The following PDE11A variants were observed in gnomAD, a reference collection of about 807,000 sequenced individuals.
PDE11A encodes the protein phosphodiesterase 11A.
In PDE11A, 100 loss-of-function variants were observed where a neutral mutation model predicts 100.5. The ratio of observed to expected loss-of-function variants is 1.00; its 90% confidence interval spans 0.85 to 1.18. PDE11A has a LOEUF of 1.18. Ranked by LOEUF, PDE11A falls within the 50% of genes most tolerant of loss-of-function variation. The pLI is 0.00. For missense variants in PDE11A, 1,141 were observed against 1,152.6 expected (o/e 0.99, Z 0.15); for synonymous variants, 381 against 420.8 (o/e 0.91, Z 1.16).
Position 177,625,187 on chromosome 2 carries a change from A to G in PDE11A, c.*4220T>C, listed in dbSNP as rs1215461382. On this transcript the variant is annotated 3_prime_UTR_variant, in exon 20 of 20. Transcript: ENST00000286063. The stretch of plus-strand genomic sequence containing the variant: ...GTGCTTACATCTACCCCATATATGT[A>G]AGTTTTATTATGTCTTTATTAAGAA... The G allele has an allele frequency of 1.3e-5, 2 of 152,650 alleles. No homozygotes were observed. The highest frequency in any genetic ancestry group is 2.9e-5 in the Non-Finnish European group (2 of 68,036). The allele number at this position is 152,650 out of a possible 1,614,324, so 9.5% of individuals were successfully genotyped here. A position where few individuals can be genotyped will look rare whatever the true frequency, so the allele number is the denominator to read the frequency against.
At chr2:177,779,899 A>T (rs1014927211) in intron 9 of PDE11A, among the ~76,000 whole-genome samples, 20 of 152,238 alleles carry the variant, frequency 1.3e-4, no homozygotes, top group African/African-American at 4.6e-4. Context: ...TTTTAGCCAG[A>T]TCCATTGTTG....
intron 18 of PDE11A, among the ~76,000 whole-genome samples, chr2:177,666,223 C>T (rs918425902): frequency 2.0e-5 from 3 of 152,152 alleles, no homozygotes; most frequent in African/African-American, 7.2e-5. Flanking sequence ...TCAAGGTTTA[C>T]CCATGTAGCA....
At chr2:178,106,957 C>CAA (rs575714643) in intron 1 of PDE11A, among the ~76,000 whole-genome samples, 212 of 60,642 alleles carry the variant, frequency 3.5e-3, no homozygotes, top group Middle Eastern at 8.9e-3. Context: ...AAGACTCTCT[C>CAA]AAAAAAAAAA....
chr2:177,693,907 C>G (rs2081075324), intron 15 of PDE11A, among the ~76,000 whole-genome samples: 1 of 152,182 alleles, frequency 6.6e-6, no homozygotes, highest in South Asian at 2.1e-4. Flanking sequence ...TAAATAAAAA[C>G]ATCGGGGCGA....
chr2:177,839,405 C>G (rs976528490), intron 6 of PDE11A, among the ~76,000 whole-genome samples: 2 of 152,308 alleles, frequency 1.3e-5, no homozygotes, highest in East Asian at 3.9e-4. Context: ...TGTGATCATT[C>G]TAAAATATAA....
At chr2:177,966,898 C>G (rs1367449847) in intron 2 of PDE11A, among the ~76,000 whole-genome samples, 2 of 152,040 alleles carry the variant, frequency 1.3e-5, no homozygotes, top group African/African-American at 4.8e-5. Context: ...TCCCTCTTCT[C>G]AGTTTTTTGG....
chr2:177,732,670 T>C (rs921304743), intron 10 of PDE11A, among the ~76,000 whole-genome samples: 2 of 152,190 alleles, frequency 1.3e-5, no homozygotes, highest in African/African-American at 4.8e-5. Flanking sequence ...CATTATGAAG[T>C]GTTAATGGAA....
chr2:177,851,909 C>T (rs2083717737), intron 5 of PDE11A, among the ~76,000 whole-genome samples: 1 of 152,070 alleles, frequency 6.6e-6, no homozygotes, highest in African/African-American at 2.4e-5. Flanking sequence ...CCACCCTCCA[C>T]CCTCCAGTAG....
chr2:177,918,406 T>G (rs1394122321), intron 2 of PDE11A, among the ~76,000 whole-genome samples: 3 of 152,192 alleles, frequency 2.0e-5, no homozygotes, highest in Non-Finnish European at 4.4e-5. Context: ...AGGGCTCAAT[T>G]ACATACAAAG....
intron 2 of PDE11A, among the ~76,000 whole-genome samples, chr2:178,085,599 T>C (rs150178406): frequency 7.1e-4 from 108 of 151,454 alleles, no homozygotes; most frequent in African/African-American, 2.0e-3. Flanking sequence ...AAGAACAAAA[T>C]GTTACTAGTG....
chr2:177,709,694 C>G (rs561413194), intron 13 of PDE11A, among the ~76,000 whole-genome samples: 1 of 152,164 alleles, frequency 6.6e-6, no homozygotes, highest in African/African-American at 2.4e-5. Context: ...GGGACAGAGG[C>G]CTGAAACCAA....
chr2:177,871,064 G>A lies in PDE11A; in HGVS notation c.1367+4795C>T, dbSNP rs537677620. On this transcript the variant is annotated intron_variant, in intron 5 of 19. Transcript: ENST00000286063. The stretch of plus-strand genomic sequence containing the variant: ...TGACCAGGGAACTCGGAGAAAATAC[G>A]GTGTTTAAAAAAGGAAAAATGTCCA... Among the ~76,000 whole-genome samples the A allele has an allele frequency of 6.2e-4, 95 of 152,144 alleles. No individual in the cohort carries two copies. The South Asian group carries it at 0.017, about 27-fold the overall frequency.
chr2:177,951,092 T>C (rs2085500078), intron 2 of PDE11A, among the ~76,000 whole-genome samples: 1 of 152,240 alleles, frequency 6.6e-6, no homozygotes, highest in Non-Finnish European at 1.5e-5. Context: ...GTGAATCTTT[T>C]ATGTTAGATA....
intron 2 of PDE11A, among the ~76,000 whole-genome samples, chr2:177,930,000 T>C (rs1386095553): frequency 6.6e-6 from 1 of 152,226 alleles, no homozygotes; most frequent in Non-Finnish European, 1.5e-5. Context: ...TTTACAAGTT[T>C]GATAGAGTAA....
intron 1 of PDE11A, among the ~76,000 whole-genome samples, chr2:178,021,744 G>T (rs17687590): frequency 6.6e-6 from 1 of 151,924 alleles, no homozygotes; most frequent in East Asian, 1.9e-4. Context: ...AAAGTGAAGT[G>T]TTTAAGGTGA....
intron 3 of PDE11A, among the ~76,000 whole-genome samples, 192 bp from the exon 4 acceptor site, chr2:177,898,390 A>G (rs2084645611): frequency 6.6e-6 from 1 of 152,246 alleles, no homozygotes; most frequent in African/African-American, 2.4e-5. Flanking sequence ...ACTGCAAAAT[A>G]CAACTTGAGA....
At chr2:177,788,422 T>C (rs28787871) in intron 9 of PDE11A, among the ~76,000 whole-genome samples, 47,462 of 148,242 alleles carry the variant, frequency 0.32, 8,095 homozygotes, top group African/African-American at 0.38. Context: ...ACTAAATGCC[T>C]ACAAGAGAAA....
intron 7 of PDE11A, among the ~76,000 whole-genome samples, chr2:177,819,860 T>TTCTCTTTCTCTCTCTCTCTCTCTCTCTC (rs60572849): frequency 5.6e-4 from 57 of 102,194 alleles, no homozygotes; most frequent in Non-Finnish European, 6.2e-4. Flanking sequence ...CTTTCTCTCT[T>TTCTCTTTCTCTCTCTCTCTCTCTCTCTC]TCTCTCTTTC....
At chr2:178,067,746 G>A (rs2087067212) in intron 1 of PDE11A, among the ~76,000 whole-genome samples, 1 of 152,170 alleles carries the variant, frequency 6.6e-6, no homozygotes, top group Admixed American at 6.5e-5. Context: ...CACCCTTGGA[G>A]AGCAGAAGCA....
Sources: gnomAD v4.1 joint callset for allele counts (sites outside exome capture counted in the v4.1 genomes callset) on GRCh38, gnomAD v4.1.1 for gene constraint, MANE v1.5 for transcripts, NCBI Gene and HGNC (gene_info 2026-07-23, HGNC 2026-07-21) for gene names.